The following ANKRD55 variants were observed in gnomAD, a reference collection of about 807,000 sequenced individuals.
The protein encoded by ANKRD55 is ankyrin repeat domain-containing protein 55.
ANKRD55 carries 41 observed loss-of-function variants against 60.6 expected under a neutral mutation model. The observed-to-expected ratio is 0.68, with a 90% CI of 0.53 to 0.88. The LOEUF (loss-of-function observed/expected upper bound fraction) is 0.88, where lower values mean the gene tolerates loss of function less well. Ranked by LOEUF, ANKRD55 falls within the 40% of genes least tolerant of loss-of-function variation. The probability of loss-of-function intolerance (pLI) is 0.00; values close to 1 mark genes in which losing one functional copy is unlikely to be tolerated. For synonymous variants in ANKRD55, 264 were observed against 290.3 expected (o/e 0.91, Z 0.92); for missense variants, 732 against 767.6 (o/e 0.95, Z 0.55).
chr5:56,164,656 T>C (rs1758409384), intron 5 of ANKRD55, among the ~76,000 whole-genome samples: 1 of 152,168 alleles, frequency 6.6e-6, no homozygotes, highest in African/African-American at 2.4e-5. Flanking sequence ...CAAACACAAC[T>C]CTGTTCTCTT....
intron 5 of ANKRD55, chr5:56,161,982 T>C (rs2111797060): frequency 1.0e-6 from 1 of 985,454 alleles, no homozygotes; most frequent in Middle Eastern, 5.2e-4. Flanking sequence ...AGGGCTTACC[T>C]TGTGACTGTG....
intron 5 of ANKRD55, among the ~76,000 whole-genome samples, chr5:56,161,505 A>T (rs1758329057): frequency 6.6e-6 from 1 of 152,280 alleles, no homozygotes; most frequent in Non-Finnish European, 1.5e-5. Context: ...AAGAAAAGAA[A>T]GATCCACTAA....
chr5:56,175,226 T>C (rs570085284), intron 4 of ANKRD55, among the ~76,000 whole-genome samples: 1 of 152,244 alleles, frequency 6.6e-6, no homozygotes, highest in Admixed American at 6.5e-5. Flanking sequence ...GGGGTGGTGT[T>C]TGGGAAAGGG....
At chr5:56,101,000 C>A (rs772267473) in intron 11 of ANKRD55, among the ~76,000 whole-genome samples, 1 of 152,224 alleles carries the variant, frequency 6.6e-6, no homozygotes, top group Non-Finnish European at 1.5e-5. Flanking sequence ...GGCAGAGGAA[C>A]TGATCTGTCA....
chr5:56,228,669 C>A (rs1760176151), intron 2 of ANKRD55, among the ~76,000 whole-genome samples: 1 of 152,118 alleles, frequency 6.6e-6, no homozygotes, highest in Non-Finnish European at 1.5e-5. Flanking sequence ...AGGTGATCTG[C>A]CCACCTTGGC....
At chr5:56,222,636 A>G (rs927174717) in intron 2 of ANKRD55, among the ~76,000 whole-genome samples, 3 of 152,228 alleles carry the variant, frequency 2.0e-5, no homozygotes, top group African/African-American at 7.2e-5. Context: ...TAACTGAATA[A>G]ATAGCGTAGA....
At chr5:56,162,282 G>A (rs1758351505) in intron 5 of ANKRD55, among the ~76,000 whole-genome samples, 1 of 152,186 alleles carries the variant, frequency 6.6e-6, no homozygotes, top group Non-Finnish European at 1.5e-5. Flanking sequence ...CGTGTGCCTA[G>A]ATAGTTCTCT....
At chr5:56,128,770 T>TA (rs138964634) in intron 7 of ANKRD55, among the ~76,000 whole-genome samples, 2,804 of 152,274 alleles carry the variant, frequency 0.018, 30 homozygotes, top group Non-Finnish European at 0.028. Context: ...AATGAAGGCA[T>TA]AAGGGATTAA....
intron 3 of ANKRD55, among the ~76,000 whole-genome samples, chr5:56,180,809 A>T (rs879780166): frequency 2.6e-5 from 4 of 152,246 alleles, no homozygotes; most frequent in Non-Finnish European, 5.9e-5. Flanking sequence ...TGCTGAACTC[A>T]CTTAGTTGTA....
intron 2 of ANKRD55, among the ~76,000 whole-genome samples, chr5:56,231,634 C>T (rs970396833): frequency 6.6e-6 from 1 of 150,556 alleles, no homozygotes; most frequent in Admixed American, 6.7e-5. Context: ...CGGTATGAGC[C>T]GGCACGTTCT....
intron 5 of ANKRD55, chr5:56,162,072 G>T (rs1335150358): frequency 1.0e-6 from 1 of 984,468 alleles, no homozygotes; most frequent in African/African-American, 1.7e-5. Context: ...CATTTGGTCT[G>T]AGGGACTGGG....
At chr5:56,152,427 A>AAT (rs1758078306) in intron 6 of ANKRD55, among the ~76,000 whole-genome samples, 2 of 152,100 alleles carry the variant, frequency 1.3e-5, no homozygotes, top group Admixed American at 1.3e-4. Flanking sequence ...TATCCTAAAC[A>AAT]ATATATATAT....
chr5:56,134,944 C>T (rs953792379), intron 7 of ANKRD55, among the ~76,000 whole-genome samples: 1 of 152,184 alleles, frequency 6.6e-6, no homozygotes, highest in Non-Finnish European at 1.5e-5. Flanking sequence ...TGTAGCTCAA[C>T]ATTTTCAAAT....
At chr5:56,124,234 T>A (rs1464572078) in intron 8 of ANKRD55, among the ~76,000 whole-genome samples, 1 of 152,148 alleles carries the variant, frequency 6.6e-6, no homozygotes, top group Non-Finnish European at 1.5e-5. Context: ...TGCTTCTGGG[T>A]TATGTGTTCT....
chr5:56,166,062 A>G (rs1291696751), intron 5 of ANKRD55, among the ~76,000 whole-genome samples: 3 of 145,518 alleles, frequency 2.1e-5, no homozygotes, highest in Non-Finnish European at 4.6e-5. Flanking sequence ...ACTCCTGGCC[A>G]CCCTTCAGGG....
chr5:56,219,186 T>C (rs1759898388), intron 2 of ANKRD55, among the ~76,000 whole-genome samples: 1 of 141,788 alleles, frequency 7.1e-6, no homozygotes. Flanking sequence ...GGCAGGAGAA[T>C]CACTTAAACC....
chr5:56,167,050 G>T (rs1758500679), intron 5 of ANKRD55, among the ~76,000 whole-genome samples: 1 of 152,214 alleles, frequency 6.6e-6, no homozygotes, highest in Non-Finnish European at 1.5e-5. Context: ...TATAAAATAT[G>T]TAATTTTAAC....
intron 2 of ANKRD55, among the ~76,000 whole-genome samples, chr5:56,219,273 C>CAAA (rs35909700): frequency 0.021 from 2,039 of 96,682 alleles, 102 homozygotes; most frequent in African/African-American, 0.061. Flanking sequence ...ACTCTGCCTC[C>CAAA]AAAAAAAAAA....
intron 9 of ANKRD55, among the ~76,000 whole-genome samples, chr5:56,115,845 A>ATT (rs1756868963): frequency 1.3e-5 from 2 of 151,938 alleles, no homozygotes; most frequent in Admixed American, 1.3e-4. Context: ...AAAATTTCTC[A>ATT]TTTTAATTAA....
Sources: gnomAD v4.1 joint callset for allele counts (sites outside exome capture counted in the v4.1 genomes callset) on GRCh38, gnomAD v4.1.1 for gene constraint, MANE v1.5 for transcripts, NCBI Gene and HGNC (gene_info 2026-07-23, HGNC 2026-07-21) for gene names.